Variants in ATP2B2 observed in about 807,000 individuals in gnomAD.
ATP2B2 encodes plasma membrane calcium-transporting ATPase 2.
ATP2B2 carries 15 observed loss-of-function variants against 120.0 expected under a neutral mutation model. The observed-to-expected ratio is 0.12, with a 90% CI of 0.08 to 0.19. The LOEUF (loss-of-function observed/expected upper bound fraction) is 0.19. Ranked by LOEUF, ATP2B2 falls within the 10% of genes least tolerant of loss-of-function variation. The pLI is 1.00. For missense variants in ATP2B2, 1,045 were observed against 1,719.8 expected (o/e 0.61, Z 6.94); for synonymous variants, 694 against 700.3 (o/e 0.99, Z 0.14).
At chr3:10,654,829 C>T (rs2125671280) in intron 1 of ATP2B2, among the ~76,000 whole-genome samples, 2 of 151,710 alleles carry the variant, frequency 1.3e-5, no homozygotes, top group Middle Eastern at 3.5e-3. Context: ...AGTCACAAGG[C>T]CTTGGGCCAA....
chr3:10,536,243 A>G (rs754177429), intron 2 of ATP2B2, among the ~76,000 whole-genome samples: 5 of 151,000 alleles, frequency 3.3e-5, no homozygotes, highest in African/African-American at 4.9e-5. Context: ...ACTTTTTTGT[A>G]TATGTTAGAT....
At chr3:10,651,738 T>C (rs2070469284) in intron 1 of ATP2B2, among the ~76,000 whole-genome samples, 3 of 134,106 alleles carry the variant, frequency 2.2e-5, no homozygotes, top group African/African-American at 1.1e-4. Context: ...GGTGAATGCA[T>C]GTATGAATGG....
At position 10,331,914 on chromosome 3, in the gene ATP2B2, G is replaced by A. The variant is rs2059991594; in HGVS notation, c.3421-2789C>T. The A allele has an allele frequency of 2.7e-6, 4 of 1,457,278 alleles. No homozygotes were observed. The East Asian group carries it at 1.0e-4, about 36-fold the overall frequency. 90.3% of individuals were successfully genotyped at this position (1,457,278 alleles called of 1,614,324 possible). A position where few individuals can be genotyped will look rare whatever the true frequency, so the allele number is the denominator to read the frequency against. ...TTCTACATACTCGAATGTTTACCCG[G>A]CTTCAAGGAAGCCAAGAGTCTGGGA... On this transcript the variant is annotated intron_variant, in intron 22 of 22. Coordinates refer to ENST00000360273, the MANE Select transcript of ATP2B2 (RefSeq NM_001001331.4).
At chr3:10,584,618 C>G (rs923733781) in intron 2 of ATP2B2, among the ~76,000 whole-genome samples, 2 of 152,186 alleles carry the variant, frequency 1.3e-5, no homozygotes, top group Non-Finnish European at 2.9e-5. Context: ...GACTGATATT[C>G]ACGTAATATC....
intron 1 of ATP2B2, among the ~76,000 whole-genome samples, chr3:10,465,508 G>A (rs561540750): frequency 1.3e-5 from 2 of 152,340 alleles, no homozygotes; most frequent in South Asian, 2.1e-4. Flanking sequence ...TGAATCCCAG[G>A]CCTCATGTCA....
chr3:10,344,744 C>T (rs1051600483), intron 18 of ATP2B2, among the ~76,000 whole-genome samples: 10 of 152,196 alleles, frequency 6.6e-5, no homozygotes, highest in Non-Finnish European at 4.4e-5. Context: ...TGAGGATCAT[C>T]ACAGTTCCCA....
chr3:10,353,210 G>A (rs761426481), intron 14 of ATP2B2, among the ~76,000 whole-genome samples: 8 of 152,178 alleles, frequency 5.3e-5, no homozygotes, highest in Admixed American at 1.3e-4. Flanking sequence ...CACAGAAGGG[G>A]GTTTTGTGCT....
Position 10,538,280 on chromosome 3 carries a change from C to G in ATP2B2, c.-414-4147G>C, listed in dbSNP as rs1015949283. 2.6e-5 allele frequency among the ~76,000 whole-genome samples: 4 copies of G among 151,998 alleles called. No homozygotes were observed. In the East Asian group the frequency reaches 7.7e-4, roughly 29 times the overall value. On this transcript the variant is annotated intron_variant, in intron 2 of 21. Coordinates refer to the ATP2B2 transcript ENST00000646379. ...TACCTGGTCCTGACAGATTCACAGC[C>G]GAATTCTACCAGAGGTACAAAGAGG...
rs567925578 is a variant in ATP2B2, at chr3:10,683,742, A to G, written c.-460+24173T>C. On this transcript the variant is annotated intron_variant, in intron 1 of 21. Coordinates refer to the ATP2B2 transcript ENST00000646379. The stretch of plus-strand genomic sequence containing the variant: ...CATGTGTGTGTGTATATATATGTGT[A>G]TATATATGTGTGTGTGTGTATATAT... 4.9e-3 allele frequency among the ~76,000 whole-genome samples: 216 copies of G among 43,958 alleles called. 3 individuals carry two copies. The highest frequency in any genetic ancestry group is 0.019 in the African/African-American group (201 of 10,638). The allele number at this position is 43,958 out of a possible 152,430, so 28.8% of individuals were successfully genotyped here.
At chr3:10,580,874 C>T (rs1033635276) in intron 2 of ATP2B2, among the ~76,000 whole-genome samples, 2 of 152,172 alleles carry the variant, frequency 1.3e-5, no homozygotes, top group African/African-American at 4.8e-5. Flanking sequence ...GTATCCATGG[C>T]CGTTTTCACA....
chr3:10,483,174 G>A (rs151293517), intron 1 of ATP2B2, among the ~76,000 whole-genome samples: 321 of 152,326 alleles, frequency 2.1e-3, no homozygotes, highest in African/African-American at 7.4e-3. Context: ...TGCCATTTCT[G>A]GAGTCAGACC....
intron 3 of ATP2B2, among the ~76,000 whole-genome samples, chr3:10,529,681 A>G (rs1208641839): frequency 6.6e-6 from 1 of 152,200 alleles, no homozygotes; most frequent in African/African-American, 2.4e-5. Flanking sequence ...GTCCTCCCAA[A>G]AAGATAGGTT....
At chr3:10,570,619 T>G (rs1409877337) in intron 2 of ATP2B2, among the ~76,000 whole-genome samples, 1 of 152,236 alleles carries the variant, frequency 6.6e-6, no homozygotes, top group South Asian at 2.1e-4. Context: ...ATTCCTCACT[T>G]TCTCCAGCCA....
intron 1 of ATP2B2, among the ~76,000 whole-genome samples, chr3:10,691,492 G>C (rs1006243621): frequency 6.6e-6 from 1 of 152,164 alleles, no homozygotes; most frequent in Non-Finnish European, 1.5e-5. Flanking sequence ...TGAGCATCCA[G>C]ACAGCTCCTC....
At chr3:10,387,837 C>T (rs2061726188) in intron 6 of ATP2B2, 1 of 253,288 alleles carries the variant, frequency 3.9e-6, no homozygotes, top group Non-Finnish European at 7.8e-6. Context: ...ATCTCCTCTG[C>T]CCATGTCTTG....
Position 10,393,278 on chromosome 3 carries a change from C to T in ATP2B2, c.782-4876G>A, listed in dbSNP as rs558657980. Among the ~76,000 whole-genome samples the T allele has an allele frequency of 5.9e-5, 9 of 152,244 alleles. No homozygotes were observed. The East Asian group carries it at 7.7e-4, about 13-fold the overall frequency. ...GGGCCGGGCCAAAGCTCAGCGCCCA[C>T]GAAGGGAGAAGGTGCCTGAGTGGAG... is the stretch of plus-strand genomic sequence containing the variant. On this transcript the variant is annotated intron_variant, in intron 5 of 22. Transcript: ENST00000360273.
At chr3:10,520,593 C>T (rs1024610542) in intron 3 of ATP2B2, among the ~76,000 whole-genome samples, 38 of 152,146 alleles carry the variant, frequency 2.5e-4, no homozygotes, top group Middle Eastern at 3.4e-3. Context: ...CCTCAGCCTC[C>T]CGAGTAGCTG....
At chr3:10,438,822 G>A (rs930111701) in intron 2 of ATP2B2, among the ~76,000 whole-genome samples, 1 of 152,316 alleles carries the variant, frequency 6.6e-6, no homozygotes, top group Non-Finnish European at 1.5e-5. Context: ...GAGACGGCCC[G>A]CCTGCAGTTA....
chr3:10,529,790 G>A (rs918094779), intron 3 of ATP2B2, among the ~76,000 whole-genome samples: 1 of 152,160 alleles, frequency 6.6e-6, no homozygotes, highest in Admixed American at 6.5e-5. Context: ...CCACTAGAAT[G>A]GGCCCTAATC....
Sources: gnomAD v4.1 joint callset for allele counts (sites outside exome capture counted in the v4.1 genomes callset) on GRCh38, gnomAD v4.1.1 for gene constraint, MANE v1.5 for transcripts, NCBI Gene and HGNC (gene_info 2026-07-23, HGNC 2026-07-21) for gene names.